The following SPATA13 variants were observed in gnomAD, a reference collection of about 807,000 sequenced individuals.
The protein encoded by SPATA13 is spermatogenesis associated 13, also known as spermatogenesis-associated protein 13.
In SPATA13, 50 loss-of-function variants were observed where a neutral mutation model predicts 104.0. The observed-to-expected ratio is 0.48, with a 90% CI of 0.38 to 0.61. The LOEUF (loss-of-function observed/expected upper bound fraction) is 0.61. Ranked by LOEUF, SPATA13 falls within the 20% of genes least tolerant of loss-of-function variation. The pLI is 0.00. For synonymous variants in SPATA13, 606 were observed against 667.5 expected, an observed-to-expected ratio of 0.91 and a Z score of 1.42; for missense variants, 1,524 against 1,690.6, an observed-to-expected ratio of 0.90 and a Z score of 1.73.
intron 2 of SPATA13, among the ~76,000 whole-genome samples, chr13:23,985,646 G>A (rs925191971): frequency 2.0e-5 from 3 of 152,176 alleles, no homozygotes; most frequent in Middle Eastern, 3.2e-3. Context: ...AATATAAGAG[G>A]GACTGGGCTG....
intron 3 of SPATA13, among the ~76,000 whole-genome samples, chr13:24,125,999 T>TTCTTGGGG (rs1443059037): frequency 7.2e-5 from 11 of 152,124 alleles, no homozygotes; most frequent in Non-Finnish European, 1.6e-4. Flanking sequence ...GGCCCTGTGG[T>TTCTTGGGG]TCTTGGGGAG....
intron 3 of SPATA13, among the ~76,000 whole-genome samples, chr13:24,146,930 T>C (rs1881952544): frequency 7.1e-6 from 1 of 140,750 alleles, no homozygotes; most frequent in African/African-American, 2.7e-5. Context: ...CATTCAGGCA[T>C]GATTTTTTTT....
intron 3 of SPATA13, among the ~76,000 whole-genome samples, chr13:24,035,830 A>G (rs1409791701): frequency 6.6e-6 from 1 of 152,098 alleles, no homozygotes; most frequent in African/African-American, 2.4e-5. Flanking sequence ...CCTGGCTAAC[A>G]TGGCAAAAAA....
chr13:24,136,892 G>C (rs1221912675), intron 3 of SPATA13, among the ~76,000 whole-genome samples: 1 of 35,830 alleles, frequency 2.8e-5, no homozygotes, highest in Admixed American at 3.8e-4. Flanking sequence ...TGCAGTGGCG[G>C]GATCTCGGCT....
intron 1 of SPATA13, among the ~76,000 whole-genome samples, chr13:24,193,480 T>G (rs1167427807): frequency 1.3e-5 from 2 of 152,128 alleles, no homozygotes; most frequent in Non-Finnish European, 2.9e-5. Context: ...TGCTCCCCAG[T>G]TGGTGCCAGG....
intron 1 of SPATA13, among the ~76,000 whole-genome samples, chr13:24,186,418 G>A (rs963113545): frequency 2.0e-5 from 3 of 152,144 alleles, no homozygotes; most frequent in African/African-American, 4.8e-5. Flanking sequence ...GTTTGCTGGC[G>A]ACTGATAATA....
chr13:24,274,018 G>T (rs1379845780), intron 4 of SPATA13, among the ~76,000 whole-genome samples: 1 of 152,212 alleles, frequency 6.6e-6, no homozygotes, highest in African/African-American at 2.4e-5. Flanking sequence ...GGATGAGCCA[G>T]AATTTGATGG....
rs753049221 is a variant in SPATA13, at chr13:24,286,995, C to T, written c.2667+45C>T. 7 of 1,563,556 alleles carry T rather than the reference C, an allele frequency of 4.5e-6. No individual in the cohort carries two copies. The Admixed American group carries it at 1.0e-4, about 23-fold the overall frequency. On this transcript the variant is annotated intron_variant, in intron 7 of 12. Transcript: ENST00000382108. The surrounding 1 kb of genome is among the most constrained non-coding windows in gnomAD (Gnocchi z 4.9). ...CCTCACTGAGGGTCACAGTATGAGGCTGCATGAGGTGCCTGGGCTTTCTCC... is the reference window on the plus strand; with the variant it reads ...CCTCACTGAGGGTCACAGTATGAGGTTGCATGAGGTGCCTGGGCTTTCTCC...
intron 2 of SPATA13, 168 bp downstream of exon 2, chr13:24,224,750 G>C (rs1355038449): frequency 1.4e-6 from 1 of 714,562 alleles, no homozygotes; most frequent in Non-Finnish European, 2.5e-6. Flanking sequence ...TGTTTACCAA[G>C]TTCAGAAGTA....
chr13:23,996,851 T>C (rs1875720465), intron 2 of SPATA13, among the ~76,000 whole-genome samples: 1 of 152,146 alleles, frequency 6.6e-6, no homozygotes, highest in Non-Finnish European at 1.5e-5. Flanking sequence ...CTGCTTTTAT[T>C]GTCAGTCTCC....
chr13:23,995,224 A>ATCATAC (rs11282161), intron 2 of SPATA13, among the ~76,000 whole-genome samples: 58,245 of 151,814 alleles, frequency 0.38, 11,470 homozygotes, highest in Admixed American at 0.47. Flanking sequence ...AAAATTATTT[A>ATCATAC]TCATACTTAG....
intron 1 of SPATA13, among the ~76,000 whole-genome samples, chr13:24,212,446 GT>G (rs1167098993): frequency 1.3e-5 from 2 of 152,170 alleles, no homozygotes; most frequent in Non-Finnish European, 2.9e-5. Context: ...TGGTCCTGAA[GT>G]GCTTATGTAA....
intron 2 of SPATA13, among the ~76,000 whole-genome samples, chr13:24,245,992 C>A (rs950950305): frequency 2.6e-5 from 4 of 152,170 alleles, no homozygotes; most frequent in Non-Finnish European, 4.4e-5. Flanking sequence ...CTGCTTGGAG[C>A]TCACCTGCCT....
chr13:24,020,120 C>T (rs145590418), intron 3 of SPATA13, among the ~76,000 whole-genome samples: 105 of 152,348 alleles, frequency 6.9e-4, no homozygotes, highest in African/African-American at 2.5e-3. Flanking sequence ...CTGCATACAG[C>T]TTCTCCCTGT....
At chr13:24,299,801 C>T (rs12876424) in intron 11 of SPATA13, among the ~76,000 whole-genome samples, 21,154 of 152,170 alleles carry the variant, frequency 0.14, 1,976 homozygotes, top group African/African-American at 0.26. Context: ...CCACACCCTG[C>T]GAAGCCAAGG....
At chr13:24,272,338 C>T (rs1243363890) in intron 4 of SPATA13, among the ~76,000 whole-genome samples, 1 of 152,254 alleles carries the variant, frequency 6.6e-6, no homozygotes, top group African/African-American at 2.4e-5. Context: ...GCGGCCTTGA[C>T]CCTCTACAGC....
intron 2 of SPATA13, among the ~76,000 whole-genome samples, chr13:23,993,556 C>T (rs138716466): frequency 1.2e-4 from 19 of 152,342 alleles, no homozygotes; most frequent in Non-Finnish European, 2.4e-4. Flanking sequence ...CTGCCAAGGA[C>T]GTTCTCGGCC....
chr13:24,099,892 C>G (rs1292397933), intron 3 of SPATA13, among the ~76,000 whole-genome samples: 1 of 152,182 alleles, frequency 6.6e-6, no homozygotes, highest in South Asian at 2.1e-4. Flanking sequence ...TGAATGAACA[C>G]TTGGATGAAA....
At chr13:24,214,369 A>G (rs552589059) in intron 1 of SPATA13, among the ~76,000 whole-genome samples, 10 of 152,376 alleles carry the variant, frequency 6.6e-5, no homozygotes, top group Admixed American at 3.3e-4. Context: ...GCAATGACCT[A>G]TAACTATCAA....
Sources: gnomAD v4.1 joint callset for allele counts (sites outside exome capture counted in the v4.1 genomes callset) on GRCh38, gnomAD v4.1.1 for gene constraint, Gnocchi (gnomAD v3.1) non-coding constraint, MANE v1.5 for transcripts, NCBI Gene and HGNC (gene_info 2026-07-23, HGNC 2026-07-21) for gene names.